The following NCOA3 variants were observed in gnomAD, a reference collection of about 807,000 sequenced individuals.
NCOA3 encodes nuclear receptor coactivator 3.
A neutral mutation model predicts 158.8 loss-of-function variants in NCOA3; 51 were observed. The ratio of observed to expected loss-of-function variants is 0.32; its 90% CI spans 0.26 to 0.41. The LOEUF is 0.41. Among genes scored for constraint, NCOA3 ranks in the 10% least tolerant of loss-of-function variants. The probability of loss-of-function intolerance (pLI) is 1.00; values close to 1 mark genes in which losing one functional copy is unlikely to be tolerated. For synonymous variants in NCOA3, 537 were observed against 592.4 expected, an observed-to-expected ratio of 0.91 and a Z score of 1.36; for missense variants, 1,510 against 1,746.6, an observed-to-expected ratio of 0.86 and a Z score of 2.41.
At chr20:47,650,920 T>G in intron 19 of NCOA3, 62 bp from the exon 20 acceptor site, 2 of 1,480,906 alleles carry the variant, frequency 1.4e-6, no homozygotes, top group Non-Finnish European at 1.9e-6. Context: ...GGGGGTACTA[T>G]ATGTATGCAA....
At chr20:47,638,239 G>A (rs1568746855) in intron 13 of NCOA3, among the ~76,000 whole-genome samples, 1 of 152,112 alleles carries the variant, frequency 6.6e-6, no homozygotes, top group Non-Finnish European at 1.5e-5. Flanking sequence ...GCTGTGTGTT[G>A]ACTTCATCAA....
At chr20:47,621,025 G>C (rs2086232055) in intron 2 of NCOA3, among the ~76,000 whole-genome samples, 2 of 152,184 alleles carry the variant, frequency 1.3e-5, no homozygotes, top group South Asian at 2.1e-4. Context: ...ACTAATAAAG[G>C]TTATTTTAAG....
In NCOA3 at chr20:47,627,739, G is replaced by A; in HGVS notation, c.711G>A (p.Glu237=). The A allele has an allele frequency of 6.2e-7, 1 of 1,613,076 alleles. No homozygotes were observed. Among genetic ancestry groups the A allele is most frequent in the Non-Finnish European group, 8.5e-7 (1 of 1,179,674 alleles). The change falls in exon 7 of 23, where the codon GAG becomes GAA. Residue 237 remains glutamate (E), a synonymous_variant. Transcript: ENST00000371998. The stretch of plus-strand genomic sequence containing the variant: ...TGTCTCAGCCACGAGCTATGATGGA[G>A]GAAGGGGAAGGTAAGAGCTATTATA... The part of the protein sequence containing the change: ...FALSQPRAMM[E]EGEDLQSCMI...
intron 8 of NCOA3, among the ~76,000 whole-genome samples, chr20:47,632,481 G>C (rs1234904202): frequency 6.6e-6 from 1 of 150,472 alleles, no homozygotes; most frequent in African/African-American, 2.5e-5. Context: ...TCTGCCTCCC[G>C]GGTTCAAGCA....
chr20:47,535,410 C>T (rs2084616296), intron 1 of NCOA3, among the ~76,000 whole-genome samples: 3 of 152,204 alleles, frequency 2.0e-5, no homozygotes, highest in Non-Finnish European at 2.9e-5. Context: ...CACTCTCTGC[C>T]TTATCGCAAG....
At chr20:47,594,601 G>A (rs905030221) in intron 2 of NCOA3, among the ~76,000 whole-genome samples, 2 of 141,636 alleles carry the variant, frequency 1.4e-5, no homozygotes, top group Middle Eastern at 3.8e-3. Context: ...GGAGGTGGAG[G>A]TTGCAGTGAG....
At chr20:47,521,190 T>A (rs978500644) in intron 1 of NCOA3, among the ~76,000 whole-genome samples, 2 of 152,104 alleles carry the variant, frequency 1.3e-5, no homozygotes, top group African/African-American at 4.8e-5. Flanking sequence ...GGGTCCTGAT[T>A]TGTCACCCCT....
intron 2 of NCOA3, among the ~76,000 whole-genome samples, chr20:47,584,268 A>C (rs1280074853): frequency 6.6e-6 from 1 of 152,166 alleles, no homozygotes; most frequent in Non-Finnish European, 1.5e-5. Flanking sequence ...ACACTTCAGC[A>C]TGGGCAACAG....
intron 1 of NCOA3, among the ~76,000 whole-genome samples, chr20:47,538,868 C>T (rs1172366746): frequency 1.3e-5 from 2 of 152,206 alleles, no homozygotes; most frequent in African/African-American, 2.4e-5. Flanking sequence ...TCAGATGAAT[C>T]TAAAAGATGT....
chr20:47,618,541 A>T (rs1221025715), intron 2 of NCOA3, among the ~76,000 whole-genome samples: 1 of 152,016 alleles, frequency 6.6e-6, no homozygotes, highest in Non-Finnish European at 1.5e-5. Context: ...TTTAGTAGAG[A>T]TGGAGTTTCT....
chr20:47,597,921 T>C (rs2085789080), intron 2 of NCOA3, among the ~76,000 whole-genome samples: 1 of 152,012 alleles, frequency 6.6e-6, no homozygotes, highest in Admixed American at 6.6e-5. Context: ...CCATGATTGG[T>C]TTTTAGATTT....
intron 1 of NCOA3, among the ~76,000 whole-genome samples, chr20:47,525,539 C>T (rs1311957754): frequency 2.4e-4 from 35 of 146,354 alleles, no homozygotes; most frequent in African/African-American, 8.6e-4. Flanking sequence ...ACCTCCTGGA[C>T]GGGGCGGCTG....
intron 17 of NCOA3, among the ~76,000 whole-genome samples, chr20:47,644,178 C>T (rs534683393): frequency 7.3e-5 from 11 of 150,154 alleles, no homozygotes; most frequent in African/African-American, 1.2e-4. Context: ...CTCGCTCTGT[C>T]GCCCAGGCTG....
chr20:47,508,049 TTAAA>T (rs954786319), intron 1 of NCOA3, among the ~76,000 whole-genome samples: 92 of 150,966 alleles, frequency 6.1e-4, no homozygotes, highest in African/African-American at 2.1e-3. Context: ...ATTGTATTGT[TTAAA>T]AAAAAGGGAT....
intron 2 of NCOA3, among the ~76,000 whole-genome samples, chr20:47,587,051 T>G (rs6018566): frequency 2.6e-5 from 4 of 152,230 alleles, no homozygotes; most frequent in Non-Finnish European, 4.4e-5. Context: ...TAGCATCCAT[T>G]GACTCTTGTC....
intron 8 of NCOA3, chr20:47,628,348 C>A: frequency 9.9e-6 from 2 of 201,192 alleles, no homozygotes; most frequent in Non-Finnish European, 2.0e-5. Flanking sequence ...GCCCATTTGT[C>A]ATAAAGAAAC....
intron 2 of NCOA3, among the ~76,000 whole-genome samples, chr20:47,618,989 C>T (rs965844065): frequency 7.2e-5 from 11 of 152,106 alleles, no homozygotes; most frequent in Middle Eastern, 3.2e-3. Context: ...TAGAAGTAAA[C>T]ATTTAAAAAG....
At chr20:47,622,692 T>C (rs1219445636) in intron 3 of NCOA3, among the ~76,000 whole-genome samples, 1 of 152,162 alleles carries the variant, frequency 6.6e-6, no homozygotes, top group Non-Finnish European at 1.5e-5. Flanking sequence ...ACAGGCAGGC[T>C]GAGTCCAAAA....
At chr20:47,560,373 G>A (rs996189708) in intron 1 of NCOA3, among the ~76,000 whole-genome samples, 2 of 152,148 alleles carry the variant, frequency 1.3e-5, no homozygotes, top group Admixed American at 6.5e-5. Flanking sequence ...CATCGTGCCC[G>A]GCCATGAGGA....
Sources: gnomAD v4.1 joint callset for allele counts (sites outside exome capture counted in the v4.1 genomes callset) on GRCh38, gnomAD v4.1.1 for gene constraint, MANE v1.5 for transcripts, NCBI Gene and HGNC (gene_info 2026-07-23, HGNC 2026-07-21) for gene names.